The following DMD variants were observed in gnomAD, a reference collection of about 807,000 sequenced individuals.
DMD encodes mutant dystrophin.
In DMD, 63 loss-of-function variants were observed where a neutral mutation model predicts 330.1. The observed-to-expected ratio is 0.19, with a 90% CI of 0.16 to 0.24. The LOEUF (loss-of-function observed/expected upper bound fraction) is 0.24, where lower values mean the gene tolerates loss of function less well. Ranked by LOEUF, DMD falls within the 10% of genes least tolerant of loss-of-function variation. The pLI is 1.00. For synonymous variants in DMD, 1,223 were observed against 959.8 expected (o/e 1.27, Z -5.07); for missense variants, 3,344 against 2,684.1 (o/e 1.25, Z -5.43).
intron 1 of DMD, among the ~76,000 whole-genome samples, chrX:33,130,031 G>A (rs774161114): frequency 1.8e-5 from 2 of 111,638 alleles, no homozygotes; most frequent in African/African-American, 3.3e-5. Flanking sequence ...TAGCTCGAGG[G>A]CGGCAAAACA....
intron 9 of DMD, among the ~76,000 whole-genome samples, chrX:32,654,475 C>A (rs1275826557): frequency 9.0e-6 from 1 of 111,688 alleles, no homozygotes; most frequent in Admixed American, 9.6e-5. Flanking sequence ...TGTGTTGAAC[C>A]AGCCCTGCAT....
intron 7 of DMD, among the ~76,000 whole-genome samples, chrX:32,719,005 G>T (rs910714754): frequency 4.5e-5 from 5 of 111,507 alleles, no homozygotes; most frequent in African/African-American, 1.6e-4. Context: ...TATATTCTTG[G>T]TAGCAAAATA....
chrX:33,235,583 A>G (rs1243046888), intron 1 of DMD, among the ~76,000 whole-genome samples: 5 of 111,911 alleles, frequency 4.5e-5, no homozygotes, highest in Admixed American at 9.5e-5. Flanking sequence ...ATACAGCAAT[A>G]TAGTTTTCAC....
chrX:31,828,131 A>T (rs1603482605), intron 49 of DMD, among the ~76,000 whole-genome samples: 1 of 112,312 alleles, frequency 8.9e-6, no homozygotes, highest in East Asian at 2.8e-4. Flanking sequence ...TAGTTCTTTG[A>T]AAAGATAAAC....
intron 12 of DMD, among the ~76,000 whole-genome samples, chrX:32,611,306 C>G (rs1278515377): frequency 9.0e-6 from 1 of 110,613 alleles, no homozygotes; most frequent in Admixed American, 9.7e-5. Context: ...CTCTCTGAGC[C>G]AGAAAACCAA....
At chrX:32,127,113 T>G (rs1163147528) in intron 44 of DMD, among the ~76,000 whole-genome samples, 1 of 111,691 alleles carries the variant, frequency 9.0e-6, no homozygotes, top group African/African-American at 3.3e-5. Flanking sequence ...GCACTAAGAC[T>G]TGACTAAACT....
At position 32,389,575 on chromosome X, in the gene DMD, T is replaced by G; in HGVS notation, c.4444A>C (p.Lys1482Gln). 1 of 1,208,926 alleles carries G rather than the reference T, an allele frequency of 8.3e-7. No homozygotes were observed. The highest frequency in any genetic ancestry group is 3.0e-5 in the East Asian group (1 of 33,705). Residue 1482 changes from lysine to glutamine, a missense_variant, in exon 32 of 79, where the codon AAG (lysine) becomes CAG (glutamine). Transcript: ENST00000357033. ...QESKMILDEV[K>Q]MHLPALETKS... is the part of the protein sequence containing the mutation. ...GTTTCCAATGCAGGCAAGTGCATCT[T>G]CACTTCATCTAAAATCATCTTACTT...
chrX:32,962,780 T>A (rs2091953962), intron 2 of DMD, among the ~76,000 whole-genome samples: 2 of 112,146 alleles, frequency 1.8e-5, no homozygotes, highest in South Asian at 7.5e-4. Context: ...GGAGGCAATA[T>A]TACTGCAGTA....
At chrX:31,237,188 G>C (rs2047816303) in intron 63 of DMD, among the ~76,000 whole-genome samples, 1 of 112,581 alleles carries the variant, frequency 8.9e-6, no homozygotes, top group African/African-American at 3.2e-5. Flanking sequence ...AAGATACATT[G>C]TTTGGGTTTT....
intron 7 of DMD, among the ~76,000 whole-genome samples, chrX:32,771,791 A>G (rs2073636643): frequency 1.8e-5 from 2 of 112,061 alleles, no homozygotes; most frequent in South Asian, 3.7e-4. Flanking sequence ...TCAAACTAAA[A>G]GCACTGATCA....
intron 53 of DMD, among the ~76,000 whole-genome samples, chrX:31,659,438 A>G (rs1307982626): frequency 5.5e-5 from 6 of 109,713 alleles, no homozygotes; most frequent in African/African-American, 1.3e-4. Context: ...CAGGAGTTCA[A>G]GACCAGTCTG....
At chrX:33,223,184 G>A (rs1003114831) in intron 1 of DMD, among the ~76,000 whole-genome samples, 4 of 111,269 alleles carry the variant, frequency 3.6e-5, no homozygotes, top group Non-Finnish European at 5.7e-5. Context: ...GGTGGCACAC[G>A]CCTGTAATCC....
intron 63 of DMD, among the ~76,000 whole-genome samples, chrX:31,248,520 T>C (rs73210599): frequency 8.9e-6 from 1 of 112,203 alleles, no homozygotes; most frequent in Non-Finnish European, 1.9e-5. Flanking sequence ...CTCAAACTCC[T>C]ATGAAAGCTT....
intron 16 of DMD, among the ~76,000 whole-genome samples, chrX:32,546,988 ATT>A (rs1248536242): frequency 1.3e-4 from 15 of 112,047 alleles, no homozygotes; most frequent in Non-Finnish European, 1.9e-5. Context: ...TAATTTGAAT[ATT>A]TTTTAACCAT....
intron 4 of DMD, among the ~76,000 whole-genome samples, chrX:32,834,994 C>G (rs1396385951): frequency 1.8e-5 from 2 of 111,210 alleles, no homozygotes; most frequent in East Asian, 5.7e-4. Context: ...TAAAGCACCA[C>G]AGTTAAATCT....
At chrX:32,240,964 A>T (rs1333227438) in intron 43 of DMD, among the ~76,000 whole-genome samples, 1 of 111,873 alleles carries the variant, frequency 8.9e-6, no homozygotes, top group Non-Finnish European at 1.9e-5. Flanking sequence ...TAGCGTCTTC[A>T]ATCCACAAGT....
At chrX:32,735,569 T>TATA (rs2068344822) in intron 7 of DMD, among the ~76,000 whole-genome samples, 1 of 110,866 alleles carries the variant, frequency 9.0e-6, no homozygotes, top group African/African-American at 3.3e-5. Context: ...AAAACAGAGA[T>TATA]ATAGATCAAT....
chrX:32,756,408 A>G (rs1314583643), intron 7 of DMD: 1 of 111,682 alleles, frequency 9.0e-6, no homozygotes, highest in Non-Finnish European at 1.9e-5. Flanking sequence ...AAAAATGTGT[A>G]GTCGAATATG....
chrX:31,497,726 T>G (rs1050101116), intron 56 of DMD, among the ~76,000 whole-genome samples: 3 of 112,137 alleles, frequency 2.7e-5, no homozygotes, highest in African/African-American at 9.7e-5. Flanking sequence ...AAATCCACAT[T>G]TCACTTGAAG....
Sources: gnomAD v4.1 joint callset for allele counts (sites outside exome capture counted in the v4.1 genomes callset) on GRCh38, gnomAD v4.1.1 for gene constraint, MANE v1.5 for transcripts, NCBI Gene and HGNC (gene_info 2026-07-23, HGNC 2026-07-21) for gene names.